SH3PXD2B: variants seen among roughly 807,000 people sequenced by gnomAD.
SH3PXD2B encodes the protein SH3 and PX domain-containing protein 2B.
SH3PXD2B carries 37 observed loss-of-function variants against 73.1 expected under a neutral mutation model. The observed-to-expected ratio is 0.51, with a 90% CI of 0.39 to 0.67. The LOEUF is 0.67. Ranked by LOEUF, SH3PXD2B falls within the 30% of genes least tolerant of loss-of-function variation. SH3PXD2B has a pLI of 0.00. For synonymous variants in SH3PXD2B, 457 were observed against 480.5 expected (o/e 0.95, Z 0.64); for missense variants, 1,053 against 1,197.8 (o/e 0.88, Z 1.78).
intron 3 of SH3PXD2B, among the ~76,000 whole-genome samples, chr5:172,402,172 G>A (rs534430679): frequency 1.3e-5 from 2 of 152,260 alleles, no homozygotes; most frequent in Non-Finnish European, 2.9e-5. Flanking sequence ...CTCTGGGAAC[G>A]TCTTGTCTTT....
At chr5:172,331,727 G>A (rs754386425), downstream of SH3PXD2B, among the ~76,000 whole-genome samples, 10 of 152,120 alleles carry the variant, frequency 6.6e-5, no homozygotes, top group Admixed American at 1.3e-4. Flanking sequence ...CAAGGCGGGC[G>A]GATCACCTGA....
rs201372606 is a variant in SH3PXD2B, at chr5:172,439,293, C to A, written c.75+14985G>T. 1.0e-3 allele frequency among the ~76,000 whole-genome samples: 64 copies of A among 61,586 alleles called. 5 individuals carry two copies. The highest frequency in any genetic ancestry group is 4.2e-3 in the African/African-American group (51 of 12,086). 40.4% of individuals were successfully genotyped at this position (61,586 alleles called of 152,430 possible). A position where few individuals can be genotyped will look rare whatever the true frequency, so the allele number is the denominator to read the frequency against. On this transcript the variant is annotated intron_variant, in intron 1 of 12. Coordinates refer to ENST00000311601, the MANE Select transcript of SH3PXD2B (RefSeq NM_001017995.3). ...AACAAAAACAAAACAAAAAAAAAAC[C>A]CCAAAAAAAAACCACAGGCATCGGC...
chr5:172,368,640 T>TTATATATATAACATATATATTA (rs1554137066), intron 6 of SH3PXD2B, among the ~76,000 whole-genome samples: 3 of 15,918 alleles, frequency 1.9e-4, no homozygotes, highest in Non-Finnish European at 1.7e-4. Context: ...AATATATATG[T>TTATATATATAACATATATATTA]TATATATATA....
At chr5:172,377,349 C>A (rs1201769826) in intron 5 of SH3PXD2B, among the ~76,000 whole-genome samples, 3 of 152,198 alleles carry the variant, frequency 2.0e-5, no homozygotes, top group Non-Finnish European at 4.4e-5. Context: ...AACAGACCAA[C>A]CCCAATGGGT....
chr5:172,408,534 CTTTTTTTTT>C lies in SH3PXD2B; in HGVS notation c.157-2191_157-2183del, dbSNP rs34377327. Among the ~76,000 whole-genome samples, 58 of 92,668 alleles carry C rather than the reference CTTTTTTTTT, an allele frequency of 6.3e-4. 1 individual carries two copies. Among genetic ancestry groups the C allele is most frequent in the African/African-American group, 2.1e-3 (43 of 20,032 alleles). The allele number at this position is 92,668 out of a possible 152,430, so 60.8% of individuals were successfully genotyped here. On this transcript the variant is annotated intron_variant, in intron 2 of 12. Transcript: ENST00000311601. ...TTCTTTTGTGTGCTTTGGGTTATCA[CTTTTTTTTT>C]TTTTTTTTTTTTGAGATGGAGTTTC...
chr5:172,367,575 C>T (rs895262080), intron 6 of SH3PXD2B, among the ~76,000 whole-genome samples: 52 of 152,102 alleles, frequency 3.4e-4, no homozygotes, highest in African/African-American at 1.2e-3. Context: ...CCCAATGTGG[C>T]GCAGATGGTT....
intron 1 of SH3PXD2B, among the ~76,000 whole-genome samples, chr5:172,452,634 G>A (rs987093505): frequency 5.3e-5 from 8 of 152,166 alleles, no homozygotes; most frequent in Non-Finnish European, 8.8e-5. Context: ...AAGAGGGCGC[G>A]TGGACGATGA....
chr5:172,391,503 C>T (rs1185329268), intron 4 of SH3PXD2B, among the ~76,000 whole-genome samples: 1 of 152,200 alleles, frequency 6.6e-6, no homozygotes, highest in Non-Finnish European at 1.5e-5. Flanking sequence ...CACTCTGTTG[C>T]CCAGGCTGGA....
chr5:172,396,318 G>A (rs1301376004), intron 3 of SH3PXD2B, among the ~76,000 whole-genome samples: 1 of 151,338 alleles, frequency 6.6e-6, no homozygotes, highest in African/African-American at 2.4e-5. Context: ...AGGATGCAGT[G>A]ATCCAAGATC....
chr5:172,399,584 T>C (rs965854155), intron 3 of SH3PXD2B, among the ~76,000 whole-genome samples: 1 of 152,188 alleles, frequency 6.6e-6, no homozygotes, highest in African/African-American at 2.4e-5. Flanking sequence ...CAAATCACAA[T>C]GGGTCTGATT....
At chr5:172,406,466 T>C in intron 2 of SH3PXD2B, 114 bp from the exon 3 acceptor site, 2 of 1,224,742 alleles carry the variant, frequency 1.6e-6, no homozygotes. Context: ...AAAAGTTCAC[T>C]GCGTTCAGCT....
intron 4 of SH3PXD2B, among the ~76,000 whole-genome samples, chr5:172,382,831 CG>C (rs1327842285): frequency 1.3e-5 from 2 of 151,896 alleles, no homozygotes; most frequent in Non-Finnish European, 2.9e-5. Context: ...TGGGTTCAAG[CG>C]ATTTTTGTGC....
At chr5:172,438,695 A>G (rs1427454814) in intron 1 of SH3PXD2B, among the ~76,000 whole-genome samples, 1 of 152,176 alleles carries the variant, frequency 6.6e-6, no homozygotes, top group Non-Finnish European at 1.5e-5. Flanking sequence ...GGCAAAAAAC[A>G]GAATACCCAG....
intron 1 of SH3PXD2B, among the ~76,000 whole-genome samples, chr5:172,433,625 G>A (rs958159051): frequency 1.3e-5 from 2 of 152,190 alleles, no homozygotes; most frequent in Non-Finnish European, 2.9e-5. Context: ...CGATGGCACA[G>A]GGATGCCCAG....
At chr5:172,409,728 A>G (rs1297984008) in intron 2 of SH3PXD2B, among the ~76,000 whole-genome samples, 1 of 151,156 alleles carries the variant, frequency 6.6e-6, no homozygotes, top group Admixed American at 6.6e-5. Flanking sequence ...TCTTTTCTTT[A>G]TTTTGAGACA....
chr5:172,357,808 T>G (rs940561014), intron 8 of SH3PXD2B, among the ~76,000 whole-genome samples: 1 of 152,200 alleles, frequency 6.6e-6, no homozygotes, highest in Non-Finnish European at 1.5e-5. Context: ...CATATGTCAA[T>G]GCTTTGCTAA....
At chr5:172,329,040 T>TAC (rs201910467), downstream of SH3PXD2B, among the ~76,000 whole-genome samples, 23 of 119,048 alleles carry the variant, frequency 1.9e-4, no homozygotes, top group Admixed American at 1.4e-3. Flanking sequence ...TACGTATATA[T>TAC]ATGTATGTGT....
chr5:172,327,890 G>C (rs1290349197), intron 12 of SH3PXD2B, among the ~76,000 whole-genome samples: 1 of 151,952 alleles, frequency 6.6e-6, no homozygotes. Context: ...GAGTAGCTGG[G>C]ATTACAAGCA....
rs762107208 is a variant in SH3PXD2B, at chr5:172,339,920, C to T, written c.1189-4G>A. ...CACTCAAGTTTTTCTCGATCACCTG[C>T]AAGGGAGGATAGAGAAAGGCACTTG... On this transcript the variant is annotated splice_region_variant and splice_polypyrimidine_tract_variant and intron_variant, in intron 12 of 12. Coordinates refer to ENST00000311601, the MANE Select transcript of SH3PXD2B (RefSeq NM_001017995.3). The surrounding 1 kb of genome is among the most constrained non-coding windows in gnomAD (Gnocchi z 6.1). The T allele has an allele frequency of 6.8e-6, 11 of 1,614,102 alleles. No individual in the cohort carries two copies. The highest frequency in any genetic ancestry group is 2.2e-5 in the East Asian group (1 of 44,896).
Sources: allele counts gnomAD v4.1 joint callset (sites outside exome capture counted in the v4.1 genomes callset), GRCh38; gene constraint gnomAD v4.1.1; non-coding constraint Gnocchi (gnomAD v3.1); transcripts MANE v1.5; gene names NCBI Gene and HGNC (gene_info 2026-07-23, HGNC 2026-07-21).